CLTCL1: variants seen among roughly 807,000 people sequenced by gnomAD.
CLTCL1 encodes the protein clathrin heavy chain 2.
Under a neutral mutation model 190.0 loss-of-function variants are expected in CLTCL1, and 159 were observed. The ratio of observed to expected loss-of-function variants is 0.84; its 90% CI spans 0.74 to 0.95. The LOEUF (loss-of-function observed/expected upper bound fraction) is 0.95, where lower values mean the gene tolerates loss of function less well. Ranked by LOEUF, CLTCL1 falls within the 40% of genes least tolerant of loss-of-function variation. The probability of loss-of-function intolerance (pLI) is 0.00; values close to 1 mark genes in which losing one functional copy is unlikely to be tolerated. For synonymous variants in CLTCL1, 752 were observed against 769.6 expected (o/e 0.98, Z 0.38); for missense variants, 1,878 against 2,033.4 (o/e 0.92, Z 1.47).
chr22:19,213,298 C>T (rs1178366925), intron 19 of CLTCL1, among the ~76,000 whole-genome samples: 1 of 150,968 alleles, frequency 6.6e-6, no homozygotes, highest in Non-Finnish European at 1.5e-5. Context: ...ATGAGACTGG[C>T]TAAGATAAAA....
intron 2 of CLTCL1, among the ~76,000 whole-genome samples, chr22:19,254,745 A>G (rs2086696594): frequency 6.6e-6 from 1 of 152,234 alleles, no homozygotes; most frequent in Non-Finnish European, 1.5e-5. Flanking sequence ...ACAGCAGATA[A>G]TAGCTATATG....
At chr22:19,207,715 G>A in intron 22 of CLTCL1, 1 of 476,766 alleles carries the variant, frequency 2.1e-6, no homozygotes, top group East Asian at 3.1e-5. Flanking sequence ...TACTGCCTGA[G>A]CTCCGCCTCC....
At chr22:19,281,870 T>C (rs2087727879) in intron 1 of CLTCL1, among the ~76,000 whole-genome samples, 2 of 152,220 alleles carry the variant, frequency 1.3e-5, no homozygotes, top group South Asian at 2.1e-4. Flanking sequence ...TCTAAGAGCA[T>C]ACATACACAT....
In CLTCL1 at chr22:19,246,687, G is replaced by A. The variant is rs5746699; in HGVS notation, c.520-3751C>T. Among the ~76,000 whole-genome samples the A allele has an allele frequency of 9.4e-3, 1,428 of 152,198 alleles. 33 individuals are homozygous for A. Among genetic ancestry groups the A allele is most frequent in the East Asian group, 0.068 (351 of 5,162 alleles). On this transcript the variant is annotated intron_variant, in intron 3 of 32. Transcript: ENST00000427926. ...GATGGGGTTTCTCCATGTTGGTCAG[G>A]CTGGTCTCAAACTCCTGACCTCAGG...
At chr22:19,193,609 G>A (rs1308504988) in intron 26 of CLTCL1, among the ~76,000 whole-genome samples, 5 of 152,188 alleles carry the variant, frequency 3.3e-5, no homozygotes, top group East Asian at 3.9e-4. Flanking sequence ...GGTGGCTCAC[G>A]CCTGTAATCC....
At chr22:19,276,844 A>ATT (rs782062458) in intron 1 of CLTCL1, among the ~76,000 whole-genome samples, 1 of 149,908 alleles carries the variant, frequency 6.7e-6, no homozygotes, top group Non-Finnish European at 1.5e-5. Flanking sequence ...TATTTTTTGT[A>ATT]TTTTTTTTTA....
intron 3 of CLTCL1, chr22:19,250,019 C>T (rs1027097520): frequency 2.5e-5 from 7 of 285,670 alleles, no homozygotes; most frequent in African/African-American, 4.4e-5. Context: ...TTTGGGAGGC[C>T]GAGGTGGGCA....
At position 19,252,850 on chromosome 22, in the gene CLTCL1, T is replaced by TA. The variant is rs1181480706; in HGVS notation, c.519+1108dup. ...TAACACGGAGAAACCCCATCTCTAC[T>TA]AAAAATACAAAAAATTAGCCAGGCA... is the stretch of plus-strand genomic sequence containing the variant. On this transcript the variant is annotated intron_variant, in intron 3 of 32. Transcript: ENST00000427926. Among the ~76,000 whole-genome samples the TA allele has an allele frequency of 3.0e-4, 45 of 152,066 alleles. 1 individual carries two copies. The East Asian group carries it at 4.5e-3, about 15-fold the overall frequency.
Position 19,188,118 on chromosome 22 carries a change from C to G in CLTCL1, c.4324-27G>C, listed in dbSNP as rs1330205558. 2.5e-6 allele frequency: 4 copies of G among 1,608,258 alleles called. No individual in the cohort carries two copies. In the African/African-American group the frequency reaches 5.3e-5, roughly 21 times the overall value. ...TGACAAGTTGAGGGAACCGTCAAGG[C>G]ACTTGGCCAAGCTTGTTATGGGGAC... On this transcript the variant is annotated intron_variant, in intron 27 of 32. Transcript: ENST00000427926.
intron 2 of CLTCL1, among the ~76,000 whole-genome samples, chr22:19,265,238 A>T (rs1228794451): frequency 6.6e-6 from 1 of 152,226 alleles, no homozygotes; most frequent in Non-Finnish European, 1.5e-5. Context: ...GACATAATTT[A>T]GGTGTGATGT....
chr22:19,201,484 G>C lies in CLTCL1; in HGVS notation c.3610C>G (p.Arg1204Gly), dbSNP rs782414713. ...NNAHIQQVGDRCYEEGMYEAA... is the reference protein window; with the variant it reads ...NNAHIQQVGDGCYEEGMYEAA... ...TCGTACATTCCCTCCTCGTAACAGC[G>C]GTCTCCAACCTACGGATAATAGGGT... The change falls in exon 23 of 33, where the codon CGC becomes GGC. Residue 1204 changes from arginine to glycine, a missense_variant. Physicochemically the swap from Arg to Gly is moderately radical, Grantham distance 125. Transcript: ENST00000427926. 5.0e-6 allele frequency: 8 copies of C among 1,612,432 alleles called. No homozygotes were observed. In the East Asian group the frequency reaches 1.8e-4, roughly 36 times the overall value.
intron 18 of CLTCL1, among the ~76,000 whole-genome samples, chr22:19,219,494 ATTT>A (rs1236270800): frequency 7.1e-6 from 1 of 139,886 alleles, no homozygotes; most frequent in African/African-American, 2.7e-5. Flanking sequence ...CTATTTATTT[ATTT>A]TTTTGAGATG....
Position 19,225,528 on chromosome 22 carries a change from C to A in CLTCL1, c.2053G>T (p.Val685Leu). 6.3e-7 allele frequency: 1 copy of A among 1,587,284 alleles called. No homozygotes were observed. ...IRQNLQLCVQ[V>L]ASKYHEQLGT... Reference sequence around the variant, plus strand: ...AGCTGCTCGTGGTACTTAGAGGCCACCTGCACACACAGCTGAAGGTTCTGT... The same window carrying A: ...AGCTGCTCGTGGTACTTAGAGGCCAACTGCACACACAGCTGAAGGTTCTGT... Residue 685 changes from valine (V) to leucine (L), a missense_variant, in exon 13 of 33, where the codon GTG (valine) becomes TTG (leucine). Val to Leu is a conservative substitution (Grantham distance 32). Transcript: ENST00000427926.
chr22:19,230,162 T>C (rs570005055), intron 10 of CLTCL1, among the ~76,000 whole-genome samples, 187 bp from the exon 11 acceptor site: 27 of 144,662 alleles, frequency 1.9e-4, no homozygotes, highest in African/African-American at 6.5e-4. Flanking sequence ...AAAGGCACAA[T>C]CTCAGCTCAC....
rs950207945 is a variant in CLTCL1 at position 19,198,657 on chromosome 22, C to T, written c.3873+1077G>A. On this transcript the variant is annotated intron_variant, in intron 24 of 32. Coordinates refer to ENST00000427926, the MANE Select transcript of CLTCL1 (RefSeq NM_007098.4). The surrounding 1 kb of genome is among the most constrained non-coding windows in gnomAD (Gnocchi z 4.1). The stretch of plus-strand genomic sequence containing the variant: ...CCCCCTCAATTGCTGCTACCTTGAC[C>T]GCCCCTTTATGAAACTCCATCCAGG... Among the ~76,000 whole-genome samples, 6 of 152,148 alleles carry T rather than the reference C, an allele frequency of 3.9e-5. No individual in the cohort carries two copies. The highest frequency in any genetic ancestry group is 6.5e-5 in the Admixed American group (1 of 15,270).
chr22:19,234,612 C>T lies in CLTCL1; in HGVS notation c.1064G>A (p.Ser355Asn). 1 of 1,614,042 alleles carries T rather than the reference C, an allele frequency of 6.2e-7. No homozygotes were observed. Among genetic ancestry groups the T allele is most frequent in the South Asian group, 1.1e-5 (1 of 91,088 alleles). Residue 355 changes from serine to asparagine, a missense_variant, in exon 7 of 33, where the codon AGT (serine) becomes AAT (asparagine). Ser to Asn is a conservative substitution (Grantham distance 46, BLOSUM62 1). Transcript: ENST00000427926. Reference protein sequence around the residue: ...PDLGLRLAVRSNLAGAEKLFV... With the variant: ...PDLGLRLAVRNNLAGAEKLFV... ...CAACTTCTCTGCCCCAGCCAGGTTA[C>T]TACGAACGGCCAAACGCAGACCAAG...
Position 19,225,477 on chromosome 22 carries a change from A to G in CLTCL1, c.2104T>C (p.Phe702Leu). ...QLGTQALVEL[F>L]ESFKSYKGLF... ...CCTTTGTAACTCTTGAAGGATTCAAAGAGCTCCACCAGGGCCTGCGTGCCC... is the reference window on the plus strand; with the variant it reads ...CCTTTGTAACTCTTGAAGGATTCAAGGAGCTCCACCAGGGCCTGCGTGCCC... Residue 702 changes from phenylalanine to leucine, a missense_variant, in exon 13 of 33, where the codon TTT becomes CTT. Phe to Leu is a conservative substitution (Grantham distance 22, BLOSUM62 0). Coordinates refer to ENST00000427926, the MANE Select transcript of CLTCL1 (RefSeq NM_007098.4). 1 of 1,586,048 alleles carries G rather than the reference A, an allele frequency of 6.3e-7. No homozygotes were observed. The highest frequency in any genetic ancestry group is 2.3e-5 in the East Asian group (1 of 43,464).
In CLTCL1 at chr22:19,251,051, A is replaced by C. The variant is rs150767403; in HGVS notation, c.519+2908T>G. Reference sequence around the variant, plus strand: ...CCAATAGAGATTATGTTGAATTTGTAGACCAATTTGAGGAGTACTTCCATC... The same window carrying C: ...CCAATAGAGATTATGTTGAATTTGTCGACCAATTTGAGGAGTACTTCCATC... On this transcript the variant is annotated intron_variant, in intron 3 of 32. Coordinates refer to ENST00000427926, the MANE Select transcript of CLTCL1 (RefSeq NM_007098.4). 8.2e-3 allele frequency among the ~76,000 whole-genome samples: 1,248 copies of C among 152,284 alleles called. 9 individuals are homozygous for C. Among genetic ancestry groups the C allele is most frequent in the South Asian group, 0.025 (121 of 4,826 alleles).
At chr22:19,285,817 A>G (rs1363579223) in intron 1 of CLTCL1, among the ~76,000 whole-genome samples, 3 of 152,204 alleles carry the variant, frequency 2.0e-5, no homozygotes, top group Non-Finnish European at 4.4e-5. Context: ...GCCAGCAACT[A>G]CTACCCTAGG....
Sources: allele counts gnomAD v4.1 joint callset (sites outside exome capture counted in the v4.1 genomes callset), GRCh38; gene constraint gnomAD v4.1.1; non-coding constraint Gnocchi (gnomAD v3.1); transcripts MANE v1.5; gene names NCBI Gene and HGNC (gene_info 2026-07-23, HGNC 2026-07-21).